Variants in SORCS1 observed in about 807,000 individuals in gnomAD.
The protein encoded by SORCS1 is sortilin related VPS10 domain containing receptor 1.
In SORCS1, 60 loss-of-function variants were observed where a neutral mutation model predicts 146.1. The observed-to-expected ratio is 0.41, with a 90% confidence interval of 0.33 to 0.51. SORCS1 has a LOEUF of 0.51. Ranked by LOEUF, SORCS1 falls within the 20% of genes least tolerant of loss-of-function variation. The pLI is 0.21. For synonymous variants in SORCS1, 637 were observed against 584.0 expected (o/e 1.09, Z -1.31); for missense variants, 1,352 against 1,487.6 (o/e 0.91, Z 1.50).
chr10:106,872,219 C>G (rs546519584), intron 2 of SORCS1, among the ~76,000 whole-genome samples: 1 of 152,162 alleles, frequency 6.6e-6, no homozygotes, highest in African/African-American at 2.4e-5. Flanking sequence ...CTCCTTGAAA[C>G]GCATTTGAGA....
At chr10:106,750,728 CAAAAAAAAAAAAAAAA>C (rs572295853) in intron 5 of SORCS1, among the ~76,000 whole-genome samples, 42 of 24,036 alleles carry the variant, frequency 1.7e-3, no homozygotes, top group South Asian at 8.2e-3. Flanking sequence ...GACTCCCTCT[CAAAAAAAAAAAAAAAA>C]AAAAAAAAAA....
At chr10:107,179,612 T>C in the SORCS1 span, among the ~76,000 whole-genome samples, 1 of 152,204 alleles carries the variant, frequency 6.6e-6, no homozygotes, top group African/African-American at 2.4e-5. Flanking sequence ...TATTTTTAAC[T>C]TTGGCCATTA....
intron 1 of SORCS1, among the ~76,000 whole-genome samples, chr10:107,061,561 C>A (rs1175431293): frequency 6.6e-6 from 1 of 152,108 alleles, no homozygotes; most frequent in Non-Finnish European, 1.5e-5. Context: ...ACATTCTTCC[C>A]TTTTTAAGAT....
chr10:106,843,284 T>C (rs925807274), intron 2 of SORCS1, among the ~76,000 whole-genome samples: 1 of 152,210 alleles, frequency 6.6e-6, no homozygotes, highest in Non-Finnish European at 1.5e-5. Flanking sequence ...ACCACCACTC[T>C]ACTCTCTGTT....
In SORCS1 at chr10:106,618,286, G is replaced by A. The variant is rs553543865; in HGVS notation, c.2797-14C>T. On this transcript the variant is annotated splice_polypyrimidine_tract_variant and intron_variant, in intron 20 of 25. Coordinates refer to ENST00000263054, the MANE Select transcript of SORCS1 (RefSeq NM_052918.5). ...GGTGATCAAAGGCTAAAATAAACAA[G>A]GGCCCAGAGTGAAGGGAAAGCTCTT... 165 of 1,612,952 alleles carry A rather than the reference G, an allele frequency of 1.0e-4. 1 individual carries two copies. In the South Asian group the frequency reaches 1.7e-3, roughly 16 times the overall value.
At chr10:106,617,206 C>T (rs1357961161) in intron 21 of SORCS1, among the ~76,000 whole-genome samples, 3 of 152,056 alleles carry the variant, frequency 2.0e-5, no homozygotes, top group African/African-American at 4.8e-5. Context: ...CCACCCGCCT[C>T]GGCCTCCCAG....
At chr10:106,658,681 T>A (rs2135343260) in intron 17 of SORCS1, among the ~76,000 whole-genome samples, 1 of 152,256 alleles carries the variant, frequency 6.6e-6, no homozygotes, top group Admixed American at 6.5e-5. Flanking sequence ...ACCACCTTAG[T>A]AATGTAGGTG....
intron 22 of SORCS1, among the ~76,000 whole-genome samples, chr10:106,609,001 C>T (rs1846793153): frequency 6.6e-6 from 1 of 152,150 alleles, no homozygotes; most frequent in Non-Finnish European, 1.5e-5. Context: ...TGCCCATAGC[C>T]CTCCCAGAAA....
At chr10:106,775,183 TG>T (rs1220642628) in intron 4 of SORCS1, among the ~76,000 whole-genome samples, 1 of 152,070 alleles carries the variant, frequency 6.6e-6, no homozygotes, top group Non-Finnish European at 1.5e-5. Context: ...CTGGCATCGG[TG>T]GGGGGGAATT....
rs555298962 is a variant in SORCS1, at chr10:106,776,017, A to G, written c.885+517T>C. 4.6e-5 allele frequency among the ~76,000 whole-genome samples: 7 copies of G among 152,264 alleles called. No homozygotes were observed. In the South Asian group the frequency reaches 1.5e-3, roughly 32 times the overall value. On this transcript the variant is annotated intron_variant, in intron 4 of 25. Transcript: ENST00000263054. ...CGAAGTGGACTTCTTCAACTTTACC[A>G]CCAAGTGAAGAAAAGTTCTGAGATG...
chr10:106,626,988 A>C (rs1200270007), intron 19 of SORCS1, among the ~76,000 whole-genome samples: 1 of 152,216 alleles, frequency 6.6e-6, no homozygotes, highest in Non-Finnish European at 1.5e-5. Context: ...AAGGTCAAAT[A>C]TTTGGTCCAA....
chr10:106,669,134 G>C (rs1469699210), intron 16 of SORCS1, among the ~76,000 whole-genome samples: 1 of 152,082 alleles, frequency 6.6e-6, no homozygotes, highest in Non-Finnish European at 1.5e-5. Context: ...TGAATGCAGG[G>C]ATTGGGCCAA....
intron 1 of SORCS1, among the ~76,000 whole-genome samples, chr10:107,075,365 A>G (rs1804183765): frequency 6.6e-6 from 1 of 152,148 alleles, no homozygotes; most frequent in Non-Finnish European, 1.5e-5. Context: ...AGCCTAATGA[A>G]AACAAAGGTC....
chr10:106,924,554 G>A (rs1952903475), intron 2 of SORCS1, among the ~76,000 whole-genome samples: 2 of 151,866 alleles, frequency 1.3e-5, no homozygotes, highest in African/African-American at 4.8e-5. Flanking sequence ...ACATATGGAG[G>A]CAAAAGGCAA....
intron 2 of SORCS1, among the ~76,000 whole-genome samples, chr10:106,905,396 GA>G (rs1172196877): frequency 3.3e-5 from 5 of 151,868 alleles, no homozygotes; most frequent in Admixed American, 6.6e-5. Context: ...ACATTTCTAA[GA>G]AAAAAGATAT....
At chr10:106,727,637 AGAG>A (rs1370703357) in intron 6 of SORCS1, among the ~76,000 whole-genome samples, 6 of 152,198 alleles carry the variant, frequency 3.9e-5, no homozygotes, top group African/African-American at 1.4e-4. Context: ...AATTTCAAAC[AGAG>A]AAGAACATGA....
chr10:107,112,585 C>A (rs1012459469), intron 1 of SORCS1, among the ~76,000 whole-genome samples: 4 of 151,978 alleles, frequency 2.6e-5, no homozygotes, highest in Admixed American at 6.6e-5. Flanking sequence ...TCTAAAGATA[C>A]AGAGTGTCTG....
chr10:106,596,513 A>G (rs1041032003), intron 24 of SORCS1, among the ~76,000 whole-genome samples: 2 of 152,102 alleles, frequency 1.3e-5, no homozygotes, highest in African/African-American at 4.8e-5. Flanking sequence ...AACTCTCCAT[A>G]AGCTTAGAAG....
intron 2 of SORCS1, among the ~76,000 whole-genome samples, chr10:106,874,990 G>A (rs1393969280): frequency 6.6e-6 from 1 of 151,978 alleles, no homozygotes; most frequent in African/African-American, 2.4e-5. Flanking sequence ...AGCTTTTGGG[G>A]TAAAAGTGAT....
Sources: allele counts gnomAD v4.1 joint callset (sites outside exome capture counted in the v4.1 genomes callset), GRCh38; gene constraint gnomAD v4.1.1; transcripts MANE v1.5; gene names NCBI Gene and HGNC (gene_info 2026-07-23, HGNC 2026-07-21).